Variants in KDM4C observed in about 807,000 individuals in gnomAD.
The protein encoded by KDM4C is lysine demethylase 4C, also known as lysine-specific demethylase 4C.
KDM4C carries 81 observed loss-of-function variants against 129.3 expected under a neutral mutation model. That is an observed-to-expected ratio of 0.63 (90% CI 0.52 to 0.75). The LOEUF (loss-of-function observed/expected upper bound fraction) is 0.75, where lower values mean the gene tolerates loss of function less well. Among genes scored for constraint, KDM4C ranks in the 30% least tolerant of loss-of-function variants. The pLI is 0.00. For synonymous variants in KDM4C, 573 were observed against 456.1 expected (o/e 1.26, Z -3.26); for missense variants, 1,457 against 1,304.0 (o/e 1.12, Z -1.81).
chr9:7,128,035 T>C, intron 18 of KDM4C, 31 bp from the exon 19 acceptor site: 1 of 1,417,396 alleles, frequency 7.1e-7, no homozygotes, highest in African/African-American at 1.5e-5. Flanking sequence ...CTCTTACTTC[T>C]TTTCTTCCTT....
chr9:7,043,966 A>G (rs900384635), intron 15 of KDM4C, among the ~76,000 whole-genome samples: 1 of 151,928 alleles, frequency 6.6e-6, no homozygotes, highest in Non-Finnish European at 1.5e-5. Flanking sequence ...TATTTAACAA[A>G]CTCATATTAA....
At chr9:6,935,804 A>G (rs999232567) in intron 8 of KDM4C, among the ~76,000 whole-genome samples, 2 of 152,324 alleles carry the variant, frequency 1.3e-5, no homozygotes, top group African/African-American at 4.8e-5. Flanking sequence ...ATTGAACAGC[A>G]TTAAGTTTTT....
At chr9:7,013,392 G>T (rs575663116) in intron 13 of KDM4C, among the ~76,000 whole-genome samples, 3 of 152,286 alleles carry the variant, frequency 2.0e-5, no homozygotes, top group African/African-American at 7.2e-5. Flanking sequence ...CTGCTGCACA[G>T]ATTAAAACTG....
intron 4 of KDM4C, among the ~76,000 whole-genome samples, chr9:6,839,300 G>A (rs925272388): frequency 1.6e-4 from 25 of 151,898 alleles, no homozygotes; most frequent in African/African-American, 6.0e-4. Context: ...CGCCATCATT[G>A]CTCCCTGCAG....
At chr9:6,771,993 G>A (rs13286234) in intron 1 of KDM4C, among the ~76,000 whole-genome samples, 17,116 of 152,274 alleles carry the variant, frequency 0.11, 1,294 homozygotes, top group Middle Eastern at 0.17. Context: ...CAGGCTTTCA[G>A]TGTGAACTTA....
At chr9:7,034,913 T>A (rs1319391424) in intron 15 of KDM4C, among the ~76,000 whole-genome samples, 1 of 152,246 alleles carries the variant, frequency 6.6e-6, no homozygotes, top group Non-Finnish European at 1.5e-5. Context: ...GATTTACATT[T>A]CCCTGGTGAT....
At chr9:6,775,321 A>T (rs1353772407) in intron 1 of KDM4C, among the ~76,000 whole-genome samples, 1 of 151,594 alleles carries the variant, frequency 6.6e-6, no homozygotes, top group Non-Finnish European at 1.5e-5. Context: ...TTGGTGATTC[A>T]TCCATATTCC....
intron 1 of KDM4C, among the ~76,000 whole-genome samples, chr9:6,762,533 C>CT (rs1477621594): frequency 2.0e-5 from 3 of 151,414 alleles, no homozygotes; most frequent in Non-Finnish European, 4.4e-5. Flanking sequence ...GTCACAGTAT[C>CT]TTTTTTATCG....
At chr9:7,038,324 A>G (rs1400562118) in intron 15 of KDM4C, among the ~76,000 whole-genome samples, 1 of 152,042 alleles carries the variant, frequency 6.6e-6, no homozygotes, top group Non-Finnish European at 1.5e-5. Flanking sequence ...ACAGAAAACT[A>G]CTTAAGCTGT....
chr9:7,020,238 T>C (rs575147844), intron 15 of KDM4C, among the ~76,000 whole-genome samples: 4 of 152,372 alleles, frequency 2.6e-5, no homozygotes, highest in African/African-American at 9.6e-5. Context: ...ATTATGGCCC[T>C]ATGCCCAACT....
At chr9:6,759,882 C>T (rs1243194797) in intron 1 of KDM4C, among the ~76,000 whole-genome samples, 2 of 149,252 alleles carry the variant, frequency 1.3e-5, no homozygotes, top group Non-Finnish European at 3.0e-5. Flanking sequence ...TGGAGGTTGC[C>T]GTGAGCCGAG....
chr9:6,917,394 T>G (rs1820516442), intron 8 of KDM4C, among the ~76,000 whole-genome samples: 1 of 152,172 alleles, frequency 6.6e-6, no homozygotes, highest in Non-Finnish European at 1.5e-5. Context: ...CACCTCAACT[T>G]CTTACTTCCC....
At chr9:6,871,974 T>C (rs1351933818) in intron 5 of KDM4C, among the ~76,000 whole-genome samples, 2 of 152,126 alleles carry the variant, frequency 1.3e-5, no homozygotes, top group East Asian at 3.9e-4. Context: ...ATGGCTGAAA[T>C]TTATAATGGT....
intron 17 of KDM4C, among the ~76,000 whole-genome samples, chr9:7,055,234 C>T (rs1830712289): frequency 6.6e-6 from 1 of 152,196 alleles, no homozygotes; most frequent in Admixed American, 6.5e-5. Context: ...ATGCATCCGT[C>T]CTCACAGTGG....
chr9:6,722,802 C>G (rs994302742), intron 1 of KDM4C, among the ~76,000 whole-genome samples: 1 of 151,900 alleles, frequency 6.6e-6, no homozygotes, highest in Non-Finnish European at 1.5e-5. Flanking sequence ...TATGAGCCAC[C>G]GCATCCGGCC....
At chr9:6,839,406 T>TG in intron 4 of KDM4C, among the ~76,000 whole-genome samples, 1 of 149,924 alleles carries the variant, frequency 6.7e-6, no homozygotes, top group South Asian at 2.2e-4. Context: ...GTTTTTTTTT[T>TG]TTTTTTTTTT....
chr9:6,885,795 A>T (rs750467170), intron 6 of KDM4C, among the ~76,000 whole-genome samples: 11 of 152,164 alleles, frequency 7.2e-5, no homozygotes, highest in Non-Finnish European at 1.6e-4. Context: ...GTTTTTCAGG[A>T]CTATGTAAAA....
At chr9:7,066,901 A>C (rs921219019) in intron 17 of KDM4C, among the ~76,000 whole-genome samples, 17 of 152,240 alleles carry the variant, frequency 1.1e-4, no homozygotes, top group African/African-American at 4.1e-4. Flanking sequence ...TCTCAAAGCA[A>C]TTCATAAATA....
At chr9:6,809,493 A>G (rs536242574) in intron 3 of KDM4C, among the ~76,000 whole-genome samples, 5 of 152,332 alleles carry the variant, frequency 3.3e-5, no homozygotes, top group African/African-American at 1.2e-4. Flanking sequence ...TTCAAGGGAT[A>G]CTTACTAAAA....
Sources: allele counts gnomAD v4.1 joint callset (sites outside exome capture counted in the v4.1 genomes callset), GRCh38; gene constraint gnomAD v4.1.1; transcripts MANE v1.5; gene names NCBI Gene and HGNC (gene_info 2026-07-23, HGNC 2026-07-21).